The following IL18R1 variants were observed in gnomAD, a reference collection of about 807,000 sequenced individuals.
IL18R1 encodes interleukin 18 receptor 1, also known as interleukin-18 receptor 1.
A neutral mutation model predicts 48.5 loss-of-function variants in IL18R1; 40 were observed. The ratio of observed to expected loss-of-function variants is 0.82; its 90% CI spans 0.64 to 1.07. The LOEUF is 1.07. Among genes scored for constraint, IL18R1 ranks in the 50% least tolerant of loss-of-function variants. The probability of loss-of-function intolerance (pLI) is 0.00; values close to 1 mark genes in which losing one functional copy is unlikely to be tolerated. For synonymous variants in IL18R1, 232 were observed against 225.9 expected, an observed-to-expected ratio of 1.03 and a Z score of -0.24; for missense variants, 596 against 633.7, an observed-to-expected ratio of 0.94 and a Z score of 0.64.
intron 4 of IL18R1, among the ~76,000 whole-genome samples, chr2:102,374,973 T>C (rs1324195403): frequency 2.0e-5 from 3 of 152,164 alleles, no homozygotes; most frequent in Admixed American, 6.5e-5. Context: ...CTCTGATCTT[T>C]TCTATAGCTT....
intron 5 of IL18R1, among the ~76,000 whole-genome samples, chr2:102,380,416 G>A (rs868530754): frequency 6.6e-6 from 1 of 152,130 alleles, no homozygotes; most frequent in Non-Finnish European, 1.5e-5. Context: ...CCCTCACACC[G>A]AAATTGCCTC....
intron 2 of IL18R1, among the ~76,000 whole-genome samples, chr2:102,364,255 G>C (rs1287508045): frequency 6.6e-6 from 1 of 152,150 alleles, no homozygotes; most frequent in Non-Finnish European, 1.5e-5. Context: ...ATATCCAACA[G>C]ACATTTGTTT....
chr2:102,381,700 T>C lies in IL18R1; in HGVS notation c.688+18T>C, dbSNP rs774556836. The C allele has an allele frequency of 4.5e-6, 7 of 1,560,086 alleles. No individual in the cohort carries two copies. In the South Asian group the frequency reaches 6.7e-5, roughly 15 times the overall value. Reference sequence around the variant, plus strand: ...GGAATTAGGTATATTTCAATATACATATATTCTGCATTTATAAGTAGGGGA... The same window carrying C: ...GGAATTAGGTATATTTCAATATACACATATTCTGCATTTATAAGTAGGGGA... On this transcript the variant is annotated intron_variant, in intron 6 of 10. Coordinates refer to ENST00000233957, the MANE Select transcript of IL18R1 (RefSeq NM_003855.5).
chr2:102,378,878 G>T (rs542946913), intron 5 of IL18R1, among the ~76,000 whole-genome samples: 7 of 152,318 alleles, frequency 4.6e-5, no homozygotes, highest in African/African-American at 1.7e-4. Flanking sequence ...AGAAATTAGA[G>T]CTTGGAGTTG....
rs780349962 is a variant in IL18R1 at position 102,375,881 on chromosome 2, AT to A, written c.469-22del. Reference sequence around the variant, plus strand: ...TATCAATTTGGCTTTTACTTAAAGTATTTTAACTTGTTTTATTAAAAACAGA... The same window carrying A: ...TATCAATTTGGCTTTTACTTAAAGTATTTAACTTGTTTTATTAAAAACAGA... On this transcript the variant is annotated intron_variant, in intron 4 of 10. Coordinates refer to ENST00000233957, the MANE Select transcript of IL18R1 (RefSeq NM_003855.5). The A allele has an allele frequency of 3.3e-6, 5 of 1,494,130 alleles. No homozygotes were observed. In the African/African-American group the frequency reaches 7.1e-5, roughly 21 times the overall value. The allele number at this position is 1,494,130 out of a possible 1,614,324, so 92.6% of individuals were successfully genotyped here.
chr2:102,375,229 C>T (rs1016282772), intron 4 of IL18R1, among the ~76,000 whole-genome samples: 2 of 152,172 alleles, frequency 1.3e-5, no homozygotes, highest in African/African-American at 4.8e-5. Flanking sequence ...CTGCATGGCT[C>T]TGGGACCTAC....
intron 8 of IL18R1, among the ~76,000 whole-genome samples, chr2:102,388,712 G>C (rs749925326): frequency 2.0e-5 from 3 of 152,192 alleles, no homozygotes; most frequent in Non-Finnish European, 2.9e-5. Flanking sequence ...ATGTGTGCGT[G>C]CGTGTTTTTG....
chr2:102,368,341 C>A (rs547648602), intron 3 of IL18R1, among the ~76,000 whole-genome samples: 1 of 152,326 alleles, frequency 6.6e-6, no homozygotes, highest in South Asian at 2.1e-4. Flanking sequence ...GCATGAAAGT[C>A]AGTTTTAAAA....
intron 3 of IL18R1, among the ~76,000 whole-genome samples, chr2:102,371,605 TC>T (rs749406548): frequency 4.3e-4 from 65 of 152,182 alleles, no homozygotes; most frequent in Non-Finnish European, 6.8e-4. Context: ...GCCAAGACTC[TC>T]TGAACTTATC....
intron 6 of IL18R1, among the ~76,000 whole-genome samples, chr2:102,382,931 G>A (rs555110259): frequency 4.0e-5 from 6 of 151,840 alleles, no homozygotes; most frequent in African/African-American, 9.7e-5. Flanking sequence ...ATTATCCTCT[G>A]GTAGTATATA....
intron 1 of IL18R1, 59 bp downstream of exon 1, chr2:102,356,459 A>T (rs909549334): frequency 7.0e-6 from 2 of 286,916 alleles, no homozygotes; most frequent in Non-Finnish European, 1.0e-5. Flanking sequence ...GGAAGGGAAG[A>T]CCACCATCCG....
chr2:102,378,577 C>T (rs1217891748), intron 5 of IL18R1, among the ~76,000 whole-genome samples: 1 of 152,218 alleles, frequency 6.6e-6, no homozygotes, highest in African/African-American at 2.4e-5. Context: ...CTTCATGCCC[C>T]CATGGCCTCT....
chr2:102,393,137 G>T (rs1363594333), intron 9 of IL18R1, among the ~76,000 whole-genome samples: 1 of 152,088 alleles, frequency 6.6e-6, no homozygotes. Context: ...TTAAAAAAGT[G>T]TGCTCATTTA....
In IL18R1 at chr2:102,386,981, C is replaced by T. The variant is rs1300862414; in HGVS notation, c.930C>T (p.Ser310=). The T allele has an allele frequency of 5.0e-6, 8 of 1,613,152 alleles. No individual in the cohort carries two copies. The highest frequency in any genetic ancestry group is 3.3e-5 in the South Asian group (3 of 90,836). The change falls in exon 8 of 11, where the codon AGC becomes AGT. Residue 310 remains serine (S), a synonymous_variant. Transcript: ENST00000233957. ...GCACGGGAGGCACAGACACCAAAAG[C>T]TTCATCTTGGTGAGAAAAGGTGAGA... ...VASTGGTDTK[S]FILVRKADMA...
rs757037006 is a variant in IL18R1, at chr2:102,390,523, A to G, written c.1111+306A>G. The stretch of plus-strand genomic sequence containing the variant: ...TATATCTGGGTGTCTTTGTGCATGC[A>G]TCACTTAGGTATCTTTATAGTACAT... On this transcript the variant is annotated intron_variant, in intron 9 of 10. Transcript: ENST00000233957. Among the ~76,000 whole-genome samples the G allele has an allele frequency of 1.3e-4, 20 of 152,270 alleles. No individual in the cohort carries two copies. The South Asian group carries it at 1.7e-3, about 13-fold the overall frequency.
intron 1 of IL18R1, among the ~76,000 whole-genome samples, chr2:102,357,035 A>G (rs1339261149): frequency 1.3e-5 from 2 of 152,124 alleles, no homozygotes; most frequent in African/African-American, 2.4e-5. Context: ...GCAAATACTG[A>G]TTTTGTGTCA....
intron 2 of IL18R1, among the ~76,000 whole-genome samples, chr2:102,366,623 T>A (rs1157264048): frequency 6.6e-6 from 1 of 152,184 alleles, no homozygotes; most frequent in Non-Finnish European, 1.5e-5. Flanking sequence ...ATTCTCACAC[T>A]GCTAATAAAG....
chr2:102,373,147 T>A (rs1205573413), intron 4 of IL18R1, among the ~76,000 whole-genome samples: 1 of 152,210 alleles, frequency 6.6e-6, no homozygotes, highest in Admixed American at 6.5e-5. Flanking sequence ...CTTTTGTATA[T>A]ATTTATTGCA....
At chr2:102,395,596 A>G (rs1680778824) in intron 10 of IL18R1, among the ~76,000 whole-genome samples, 1 of 152,226 alleles carries the variant, frequency 6.6e-6, no homozygotes, top group Admixed American at 6.5e-5. Flanking sequence ...ATTTTTGGAT[A>G]GCAGTTCTTT....
Sources: gnomAD v4.1 joint callset for allele counts (sites outside exome capture counted in the v4.1 genomes callset) on GRCh38, gnomAD v4.1.1 for gene constraint, MANE v1.5 for transcripts, NCBI Gene and HGNC (gene_info 2026-07-23, HGNC 2026-07-21) for gene names.